The following HS6ST3 variants were observed in gnomAD, a reference collection of about 807,000 sequenced individuals.
HS6ST3 encodes heparan sulfate 6-O-sulfotransferase 3, also known as heparan-sulfate 6-O-sulfotransferase 3.
Under a neutral mutation model 36.7 loss-of-function variants are expected in HS6ST3, and 12 were observed. The ratio of observed to expected loss-of-function variants is 0.33; its 90% CI spans 0.21 to 0.53. The LOEUF (loss-of-function observed/expected upper bound fraction) is 0.53, where lower values mean the gene tolerates loss of function less well. HS6ST3 is among the 20% of genes least tolerant of loss of function. The pLI is 0.95. For missense variants in HS6ST3, 584 were observed against 640.9 expected, an observed-to-expected ratio of 0.91 and a Z score of 0.96; for synonymous variants, 240 against 257.5, an observed-to-expected ratio of 0.93 and a Z score of 0.65.
intron 1 of HS6ST3, among the ~76,000 whole-genome samples, chr13:96,429,382 A>G (rs953731799): frequency 1.7e-4 from 26 of 152,242 alleles, no homozygotes; most frequent in African/African-American, 5.8e-4. Flanking sequence ...CTATTCCACT[A>G]CATGATCTTA....
intron 1 of HS6ST3, among the ~76,000 whole-genome samples, chr13:96,331,536 G>A (rs1322456907): frequency 1.2e-4 from 18 of 151,812 alleles, no homozygotes; most frequent in Admixed American, 2.6e-4. Context: ...CAGTCTGCCC[G>A]TTCTCAGATC....
At chr13:96,178,264 A>T (rs533994825) in intron 1 of HS6ST3, among the ~76,000 whole-genome samples, 1 of 152,326 alleles carries the variant, frequency 6.6e-6, no homozygotes, top group African/African-American at 2.4e-5. Context: ...AATACAAAAT[A>T]AAAAACTAGT....
intron 1 of HS6ST3, among the ~76,000 whole-genome samples, chr13:96,608,903 A>C (rs2056447878): frequency 6.6e-6 from 1 of 152,140 alleles, no homozygotes; most frequent in Admixed American, 6.5e-5. Flanking sequence ...TCATTAAGCC[A>C]TACATCTTTT....
At chr13:96,545,990 A>G (rs964992144) in intron 1 of HS6ST3, among the ~76,000 whole-genome samples, 3 of 152,162 alleles carry the variant, frequency 2.0e-5, no homozygotes, top group Admixed American at 1.3e-4. Context: ...CACTCAAGAA[A>G]TATTTGTTGA....
chr13:96,221,031 A>G (rs1842370204), intron 1 of HS6ST3, among the ~76,000 whole-genome samples: 1 of 152,198 alleles, frequency 6.6e-6, no homozygotes, highest in African/African-American at 2.4e-5. Flanking sequence ...AAATGAATGG[A>G]TAGAAATAGC....
intron 1 of HS6ST3, among the ~76,000 whole-genome samples, chr13:96,397,848 A>G (rs1480232966): frequency 1.9e-5 from 2 of 104,586 alleles, no homozygotes; most frequent in Admixed American, 1.7e-4. Context: ...CATTTTCACA[A>G]CAACCTTATC....
chr13:96,360,646 CAA>C (rs5805964), intron 1 of HS6ST3, among the ~76,000 whole-genome samples: 154 of 134,340 alleles, frequency 1.1e-3, no homozygotes, highest in African/African-American at 1.6e-3. Flanking sequence ...TTTGTATTAT[CAA>C]AAAAAAAAAA....
At chr13:96,746,843 C>G (rs1322520713) in intron 1 of HS6ST3, among the ~76,000 whole-genome samples, 1 of 152,152 alleles carries the variant, frequency 6.6e-6, no homozygotes, top group East Asian at 1.9e-4. Flanking sequence ...CCTGAAAAAT[C>G]TAACCTCATT....
intron 1 of HS6ST3, among the ~76,000 whole-genome samples, chr13:96,828,457 A>G (rs910619955): frequency 9.9e-5 from 15 of 152,146 alleles, no homozygotes; most frequent in African/African-American, 2.4e-5. Flanking sequence ...AGTTAAACAC[A>G]TACTAGGTTG....
intron 1 of HS6ST3, among the ~76,000 whole-genome samples, chr13:96,113,390 G>T (rs953874894): frequency 3.3e-5 from 5 of 152,060 alleles, no homozygotes; most frequent in Admixed American, 6.5e-5. Flanking sequence ...GAGTATGACA[G>T]GAAAGGATTA....
At chr13:96,658,574 T>C (rs939500397) in intron 1 of HS6ST3, among the ~76,000 whole-genome samples, 1 of 35,002 alleles carries the variant, frequency 2.9e-5, no homozygotes, top group Non-Finnish European at 6.9e-5. Flanking sequence ...TGAGCCACCA[T>C]GCCTGGCCGT....
At chr13:96,561,682 C>T (rs1456652407) in intron 1 of HS6ST3, among the ~76,000 whole-genome samples, 1 of 151,572 alleles carries the variant, frequency 6.6e-6, no homozygotes, top group Non-Finnish European at 1.5e-5. Flanking sequence ...TTTAAACAAG[C>T]AAAAAACAAA....
At chr13:96,396,196 C>T (rs2055420505) in intron 1 of HS6ST3, among the ~76,000 whole-genome samples, 1 of 151,998 alleles carries the variant, frequency 6.6e-6, no homozygotes, top group Admixed American at 6.6e-5. Context: ...CACCTGTAAT[C>T]CCAACTACCC....
At chr13:96,709,513 G>A (rs1238810831) in intron 1 of HS6ST3, among the ~76,000 whole-genome samples, 2 of 152,114 alleles carry the variant, frequency 1.3e-5, no homozygotes, top group African/African-American at 4.8e-5. Context: ...TTGGAGGTGA[G>A]GGCTTTTGGA....
At chr13:96,373,675 GT>G in intron 1 of HS6ST3, among the ~76,000 whole-genome samples, 1 of 152,242 alleles carries the variant, frequency 6.6e-6, no homozygotes, top group East Asian at 1.9e-4. Flanking sequence ...TAAGAAGACT[GT>G]TTTATGTGAA....
intron 1 of HS6ST3, among the ~76,000 whole-genome samples, chr13:96,105,859 C>A (rs1245727746): frequency 6.6e-6 from 1 of 152,094 alleles, no homozygotes; most frequent in Admixed American, 6.5e-5. Context: ...AGAATGAAAT[C>A]ATCATTATGT....
intron 1 of HS6ST3, among the ~76,000 whole-genome samples, chr13:96,228,953 C>T (rs999824900): frequency 1.3e-5 from 2 of 151,908 alleles, no homozygotes; most frequent in African/African-American, 4.8e-5. Context: ...GTGAGGAGAG[C>T]AGTGTGGATG....
intron 1 of HS6ST3, among the ~76,000 whole-genome samples, chr13:96,535,042 A>T (rs2056149731): frequency 6.6e-6 from 1 of 152,178 alleles, no homozygotes; most frequent in Admixed American, 6.5e-5. Context: ...CCAGCTGTGT[A>T]TTGAGAAACC....
At chr13:96,445,060 C>T (rs774749461) in intron 1 of HS6ST3, among the ~76,000 whole-genome samples, 12 of 151,970 alleles carry the variant, frequency 7.9e-5, no homozygotes, top group Non-Finnish European at 1.2e-4. Context: ...ATTTAGAGGT[C>T]GATTGTAGAG....
Sources: gnomAD v4.1 joint callset for allele counts (sites outside exome capture counted in the v4.1 genomes callset) on GRCh38, gnomAD v4.1.1 for gene constraint, MANE v1.5 for transcripts, NCBI Gene and HGNC (gene_info 2026-07-23, HGNC 2026-07-21) for gene names.